SNTB1: variants seen among roughly 807,000 people sequenced by gnomAD.
The protein encoded by SNTB1 is beta-1-syntrophin.
A neutral mutation model predicts 48.9 loss-of-function variants in SNTB1; 36 were observed. That is an observed-to-expected ratio of 0.74 (90% confidence interval 0.56 to 0.97). The LOEUF (loss-of-function observed/expected upper bound fraction) is 0.97. Ranked by LOEUF, SNTB1 falls within the 50% of genes least tolerant of loss-of-function variation. The pLI, the probability that SNTB1 is intolerant of heterozygous loss-of-function variation, is 0.00. For missense variants in SNTB1, 786 were observed against 703.4 expected (o/e 1.12, Z -1.33); for synonymous variants, 299 against 294.6 (o/e 1.01, Z -0.15).
intron 2 of SNTB1, among the ~76,000 whole-genome samples, chr8:120,668,141 C>T (rs116857929): frequency 0.012 from 1,754 of 152,278 alleles, 53 homozygotes; most frequent in Admixed American, 0.067. Flanking sequence ...GTGGCTGTTT[C>T]GGTCTTCCAG....
intron 4 of SNTB1, among the ~76,000 whole-genome samples, chr8:120,565,637 C>T (rs544184556): frequency 6.6e-6 from 1 of 152,348 alleles, no homozygotes; most frequent in Admixed American, 6.5e-5. Context: ...GTTGATCACT[C>T]TGTGAGGGCC....
intron 3 of SNTB1, among the ~76,000 whole-genome samples, chr8:120,596,599 T>A (rs1816329683): frequency 6.6e-6 from 1 of 152,110 alleles, no homozygotes; most frequent in African/African-American, 2.4e-5. Flanking sequence ...CTGAATTCAG[T>A]TCTTTTTGGT....
At chr8:120,659,754 A>G (rs1346868098) in intron 2 of SNTB1, among the ~76,000 whole-genome samples, 1 of 152,232 alleles carries the variant, frequency 6.6e-6, no homozygotes, top group South Asian at 2.1e-4. Context: ...AATACATTTC[A>G]TAAGGCTATA....
chr8:120,766,902 T>A (rs947808649), intron 1 of SNTB1, among the ~76,000 whole-genome samples: 1 of 152,250 alleles, frequency 6.6e-6, no homozygotes, highest in African/African-American at 2.4e-5. Context: ...CTAAATAGGC[T>A]ATGTTTTATA....
At chr8:120,744,336 T>C (rs1276867036) in intron 1 of SNTB1, among the ~76,000 whole-genome samples, 3 of 152,094 alleles carry the variant, frequency 2.0e-5, no homozygotes, top group Non-Finnish European at 2.9e-5. Flanking sequence ...CAAATGAAGA[T>C]CAATGTTAGC....
intron 1 of SNTB1, among the ~76,000 whole-genome samples, chr8:120,728,359 A>G (rs746137497): frequency 1.3e-4 from 20 of 152,136 alleles, no homozygotes; most frequent in Non-Finnish European, 2.4e-4. Flanking sequence ...TTTTATATTC[A>G]GGGGGTACAC....
chr8:120,632,503 C>G lies in SNTB1; in HGVS notation c.937G>C (p.Gly313Arg), dbSNP rs543000111. ...CGGCTCCCAGCAATGCCTGTTTTCC[C>G]CAGCTGCTCTCTGACCTCAGCAATC... ...RVIAEVREQL[G>R]KTGIAGSREI... is the part of the protein sequence containing the mutation. Residue 313 changes from glycine to arginine, a missense_variant, in exon 3 of 7, where the codon GGG (glycine) becomes CGG (arginine). By Grantham distance (125) the Gly-to-Arg change is moderately radical. Coordinates refer to ENST00000517992, the MANE Select transcript of SNTB1 (RefSeq NM_021021.4). 9 of 1,614,106 alleles carry G rather than the reference C, an allele frequency of 5.6e-6. No homozygotes were observed. In the African/African-American group the frequency reaches 1.1e-4, roughly 19 times the overall value.
At chr8:120,602,008 AC>A (rs1319036320) in intron 3 of SNTB1, among the ~76,000 whole-genome samples, 2 of 152,222 alleles carry the variant, frequency 1.3e-5, no homozygotes, top group Non-Finnish European at 2.9e-5. Flanking sequence ...CAAACAAAAA[AC>A]AAAAACAAAC....
intron 2 of SNTB1, among the ~76,000 whole-genome samples, chr8:120,686,961 T>C (rs1380093844): frequency 1.3e-5 from 2 of 152,194 alleles, no homozygotes; most frequent in Non-Finnish European, 2.9e-5. Flanking sequence ...ACATATTTTG[T>C]GGGCTTCTTA....
At chr8:120,712,664 T>A (rs950916096) in intron 1 of SNTB1, among the ~76,000 whole-genome samples, 1 of 152,300 alleles carries the variant, frequency 6.6e-6, no homozygotes, top group East Asian at 1.9e-4. Context: ...AACTTATTAA[T>A]ACCACAGGGG....
intron 1 of SNTB1, among the ~76,000 whole-genome samples, chr8:120,766,499 T>C (rs1298045553): frequency 6.6e-6 from 1 of 152,168 alleles, no homozygotes; most frequent in Non-Finnish European, 1.5e-5. Context: ...CTCTCCTATA[T>C]ATAATATTTT....
chr8:120,612,172 C>T (rs1816638276), intron 3 of SNTB1, among the ~76,000 whole-genome samples: 1 of 152,164 alleles, frequency 6.6e-6, no homozygotes, highest in South Asian at 2.1e-4. Flanking sequence ...CGTAGTGGTC[C>T]TTATAATAAC....
At chr8:120,639,603 C>T (rs1156945626) in intron 2 of SNTB1, among the ~76,000 whole-genome samples, 1 of 152,152 alleles carries the variant, frequency 6.6e-6, no homozygotes, top group Non-Finnish European at 1.5e-5. Flanking sequence ...ATATGGCTAG[C>T]CAGTTTTTCC....
At chr8:120,576,643 T>C (rs1040182472) in intron 3 of SNTB1, among the ~76,000 whole-genome samples, 2 of 152,126 alleles carry the variant, frequency 1.3e-5, no homozygotes, top group African/African-American at 4.8e-5. Flanking sequence ...ACAACAGTGG[T>C]TTTGAGTGCT....
At chr8:120,659,863 C>A (rs1817562158) in intron 2 of SNTB1, among the ~76,000 whole-genome samples, 2 of 152,128 alleles carry the variant, frequency 1.3e-5, no homozygotes, top group African/African-American at 4.8e-5. Context: ...TCTATGTTGG[C>A]AGACATGAAA....
At chr8:120,769,040 G>A (rs1303386204) in intron 1 of SNTB1, 3 of 152,266 alleles carry the variant, frequency 2.0e-5, no homozygotes, top group Admixed American at 6.5e-5. Context: ...ACATAGACCT[G>A]TTTGCCTCAC....
chr8:120,615,250 G>T (rs62526698), intron 3 of SNTB1, among the ~76,000 whole-genome samples: 1 of 152,056 alleles, frequency 6.6e-6, no homozygotes, highest in African/African-American at 2.4e-5. Flanking sequence ...CATTAGCGTC[G>T]CCAGAGCCGG....
At chr8:120,542,029 C>T (rs1203282335) in intron 5 of SNTB1, 29 bp from the exon 6 acceptor site, 18 of 1,586,642 alleles carry the variant, frequency 1.1e-5, no homozygotes, top group East Asian at 2.2e-5. Flanking sequence ...GAAAAAGAGA[C>T]AAGTATGAAC....
chr8:120,604,930 C>T (rs1816488154), intron 3 of SNTB1, among the ~76,000 whole-genome samples: 1 of 152,176 alleles, frequency 6.6e-6, no homozygotes, highest in Non-Finnish European at 1.5e-5. Flanking sequence ...GTTTCAGAGA[C>T]TATTAATACT....
Sources: allele counts gnomAD v4.1 joint callset (sites outside exome capture counted in the v4.1 genomes callset), GRCh38; gene constraint gnomAD v4.1.1; transcripts MANE v1.5; gene names NCBI Gene and HGNC (gene_info 2026-07-23, HGNC 2026-07-21).